Variants in STXBP3 observed in about 807,000 individuals in gnomAD.
STXBP3 encodes the protein syntaxin binding protein 3.
STXBP3 carries 41 observed loss-of-function variants against 85.7 expected under a neutral mutation model. The observed-to-expected ratio is 0.48, with a 90% confidence interval of 0.37 to 0.62. STXBP3 has a LOEUF of 0.62. STXBP3 is among the 20% of genes least tolerant of loss of function. The pLI, the probability that STXBP3 is intolerant of heterozygous loss-of-function variation, is 0.00. For synonymous variants in STXBP3, 229 were observed against 231.7 expected, an observed-to-expected ratio of 0.99 and a Z score of 0.10; for missense variants, 563 against 703.1, an observed-to-expected ratio of 0.80 and a Z score of 2.25.
Position 108,760,050 on chromosome 1 carries a change from G to T in STXBP3, c.403G>T (p.Glu135Ter). ...CTCCAAGTCAATAAGAAGATGTAAA[G>T]AAATAAATATTTCCTTCATTCCACA... ...SCSKSIRRCKEINISFIPHES... is the reference protein window; with the variant it reads ...SCSKSIRRCK The change falls in exon 6 of 19, where the codon GAA becomes TAA. Residue 135 changes from glutamate to a stop codon, truncating the protein, a stop_gained. Transcript: ENST00000370008. LOFTEE classifies it high-confidence loss of function. 6.4e-7 allele frequency: 1 copy of T among 1,570,606 alleles called. No homozygotes were observed. Among genetic ancestry groups the T allele is most frequent in the Non-Finnish European group, 8.6e-7 (1 of 1,163,252 alleles).
At chr1:108,762,628 G>A (rs917602934) in intron 6 of STXBP3, among the ~76,000 whole-genome samples, 1 of 152,082 alleles carries the variant, frequency 6.6e-6, no homozygotes, top group Non-Finnish European at 1.5e-5. Context: ...GGGTGCCAAT[G>A]GAATGTGATA....
chr1:108,784,804 A>T (rs1662790876), intron 11 of STXBP3, among the ~76,000 whole-genome samples: 1 of 152,228 alleles, frequency 6.6e-6, no homozygotes, highest in African/African-American at 2.4e-5. Flanking sequence ...GGGTAAATAC[A>T]CCTGTTCCAA....
intron 17 of STXBP3, among the ~76,000 whole-genome samples, chr1:108,805,995 A>G (rs1332096487): frequency 6.6e-6 from 1 of 152,244 alleles, no homozygotes; most frequent in Non-Finnish European, 1.5e-5. Context: ...TAACAAAATG[A>G]ACAATTGGGT....
chr1:108,779,722 C>CATATTT (rs10637771), intron 9 of STXBP3: 173,106 of 173,272 alleles, frequency 1, 86,472 homozygotes, highest in East Asian at 1. Context: ...GGCTCACTAT[C>CATATTT]ATTGAAGGAG....
At chr1:108,797,401 C>A (rs1284076819) in intron 15 of STXBP3, among the ~76,000 whole-genome samples, 3 of 148,662 alleles carry the variant, frequency 2.0e-5, no homozygotes, top group Non-Finnish European at 4.5e-5. Flanking sequence ...TTTAGAATCT[C>A]ACTCTTTCCC....
chr1:108,772,811 A>T lies in STXBP3; in HGVS notation c.585A>T (p.Arg195Ser). Residue 195 changes from arginine (R) to serine (S), a missense_variant, in exon 7 of 19, where the codon AGA (arginine) becomes AGT (serine). Arg to Ser is a moderately radical substitution (Grantham distance 110). Transcript: ENST00000370008. ...CATLDENPGV[R>S]YKSKPLDNAS... Reference sequence around the variant, plus strand: ...CCTTGGATGAAAATCCCGGAGTAAGATATAAAAGGTAAGACACTGAGCATC... The same window carrying T: ...CCTTGGATGAAAATCCCGGAGTAAGTTATAAAAGGTAAGACACTGAGCATC... 1 of 1,593,920 alleles carries T rather than the reference A, an allele frequency of 6.3e-7. No individual in the cohort carries two copies.
At chr1:108,808,548 T>C (rs919473199) in intron 18 of STXBP3, among the ~76,000 whole-genome samples, 5 of 152,164 alleles carry the variant, frequency 3.3e-5, no homozygotes, top group Admixed American at 6.5e-5. Context: ...TAGCACAAAG[T>C]AGACAAAGCA....
At chr1:108,795,494 A>G (rs1663070178) in intron 13 of STXBP3, among the ~76,000 whole-genome samples, 1 of 151,770 alleles carries the variant, frequency 6.6e-6, no homozygotes, top group Admixed American at 6.6e-5. Flanking sequence ...GTCTCTTTAA[A>G]AAAAAAAAAG....
At position 108,800,176 on chromosome 1, in the gene STXBP3, C is replaced by G. The variant is rs763030117; in HGVS notation, c.1450-44C>G. 3 of 1,408,000 alleles carry G rather than the reference C, an allele frequency of 2.1e-6. 1 individual carries two copies. In the South Asian group the frequency reaches 3.5e-5, roughly 16 times the overall value. 87.2% of individuals were successfully genotyped at this position (1,408,000 alleles called of 1,614,324 possible). On this transcript the variant is annotated intron_variant, in intron 16 of 18. Transcript: ENST00000370008. ...GACCTTTATGCCAAACAAAGTCCTG[C>G]AATTTACAATTTTATTGATGGAATT...
At chr1:108,761,639 AT>A (rs1180052459) in intron 6 of STXBP3, among the ~76,000 whole-genome samples, 1 of 152,022 alleles carries the variant, frequency 6.6e-6, no homozygotes, top group Non-Finnish European at 1.5e-5. Flanking sequence ...TCCTATAAGA[AT>A]TTTTTTCTTT....
At chr1:108,771,406 CTATATATATA>C (rs1662398947) in intron 6 of STXBP3, among the ~76,000 whole-genome samples, 8 of 15,594 alleles carry the variant, frequency 5.1e-4, no homozygotes, top group African/African-American at 1.6e-3. Flanking sequence ...TGATATATAT[CTATATATATA>C]ATATATAAAT....
At chr1:108,798,985 A>G (rs1663173810) in intron 16 of STXBP3, among the ~76,000 whole-genome samples, 1 of 152,216 alleles carries the variant, frequency 6.6e-6, no homozygotes, top group Admixed American at 6.5e-5. Context: ...CATGCCTTTA[A>G]TACTGTTTAC....
Position 108,796,726 on chromosome 1 carries a change from A to C in STXBP3, c.1356A>C (p.Gln452His). ...ACCTTGGTGTTCCCATTGTTCCCCA[A>C]GTAAGAAGTCTTATGTTGTGTATAT... is the stretch of plus-strand genomic sequence containing the variant. ...WSYLGVPIVP[Q>H]SQQGKPLRKD... Residue 452 changes from glutamine (Q) to histidine (H), a missense_variant and splice_region_variant, in exon 15 of 19, where the codon CAA becomes CAC. Coordinates refer to ENST00000370008, the MANE Select transcript of STXBP3 (RefSeq NM_007269.4). 6.2e-7 allele frequency: 1 copy of C among 1,612,474 alleles called. No homozygotes were observed.
intron 1 of STXBP3, among the ~76,000 whole-genome samples, chr1:108,750,623 T>C (rs1021052370): frequency 4.6e-5 from 7 of 152,148 alleles, no homozygotes; most frequent in Non-Finnish European, 7.4e-5. Context: ...AGTGTCAGAA[T>C]TGAAATGAAT....
chr1:108,760,592 T>C (rs1420941626), intron 6 of STXBP3, among the ~76,000 whole-genome samples: 2 of 152,172 alleles, frequency 1.3e-5, no homozygotes. Context: ...TCCCTATGTG[T>C]CATATACTTT....
Position 108,779,320 on chromosome 1 carries a change from G to T in STXBP3, c.719G>T (p.Arg240Leu). The T allele has an allele frequency of 6.2e-7, 1 of 1,612,814 alleles. No homozygotes were observed. The change falls in exon 9 of 19, where the codon CGT (arginine) becomes CTT (leucine). Residue 240 changes from arginine (R) to leucine (L), a missense_variant. Transcript: ENST00000370008. ...KTHSQLLIID[R>L]GFDPVSTVLH... ...CATTCACAGCTCTTAATAATTGATC[G>T]TGGCTTTGATCCTGTGTCCACTGTC...
At chr1:108,791,283 GA>G (rs1203079089) in intron 11 of STXBP3, among the ~76,000 whole-genome samples, 1 of 152,004 alleles carries the variant, frequency 6.6e-6, no homozygotes, top group Non-Finnish European at 1.5e-5. Flanking sequence ...CTGTATCTTT[GA>G]TTTTTTAGCA....
intron 4 of STXBP3, among the ~76,000 whole-genome samples, chr1:108,757,481 C>T (rs569050020): frequency 1.3e-5 from 2 of 151,816 alleles, no homozygotes; most frequent in Admixed American, 1.3e-4. Flanking sequence ...CATTTTATAT[C>T]TTATCTGTAA....
At chr1:108,788,470 A>G (rs1344313105) in intron 11 of STXBP3, among the ~76,000 whole-genome samples, 1 of 152,166 alleles carries the variant, frequency 6.6e-6, no homozygotes, top group Admixed American at 6.5e-5. Flanking sequence ...TAAGATTGTT[A>G]CTGCTTGTTC....
Sources: gnomAD v4.1 joint callset for allele counts (sites outside exome capture counted in the v4.1 genomes callset) on GRCh38, gnomAD v4.1.1 for gene constraint, MANE v1.5 for transcripts, NCBI Gene and HGNC (gene_info 2026-07-23, HGNC 2026-07-21) for gene names.